Variants in CNTNAP2 observed in about 807,000 individuals in gnomAD.
CNTNAP2 encodes the protein contactin associated protein 2, also known as contactin-associated protein-like 2.
A neutral mutation model predicts 155.2 loss-of-function variants in CNTNAP2; 98 were observed. That is an observed-to-expected ratio of 0.63 (90% CI 0.54 to 0.75). The LOEUF (loss-of-function observed/expected upper bound fraction) is 0.75, where lower values mean the gene tolerates loss of function less well. Among genes scored for constraint, CNTNAP2 ranks in the 30% least tolerant of loss-of-function variants. The pLI is 0.00. For missense variants in CNTNAP2, 1,727 were observed against 1,688.1 expected (o/e 1.02, Z -0.40); for synonymous variants, 651 against 631.2 (o/e 1.03, Z -0.47).
chr7:148,177,521 A>G (rs909658714), intron 18 of CNTNAP2, among the ~76,000 whole-genome samples: 5 of 152,250 alleles, frequency 3.3e-5, no homozygotes, highest in Non-Finnish European at 7.3e-5. Flanking sequence ...AAGTTCGAAG[A>G]AAAACCTACC....
At chr7:146,465,256 C>G (rs1028767088) in intron 1 of CNTNAP2, among the ~76,000 whole-genome samples, 5 of 152,062 alleles carry the variant, frequency 3.3e-5, no homozygotes, top group African/African-American at 1.2e-4. Context: ...TTTTTCCCCA[C>G]TAAAAAGCAA....
chr7:147,602,047 G>A lies in CNTNAP2; in HGVS notation c.1898-37059G>A, dbSNP rs113571475. The stretch of plus-strand genomic sequence containing the variant: ...TTAATAATATTTTATAATTGTTGCA[G>A]TATCCTTCCATCAAGAGGTCCAAAT... On this transcript the variant is annotated intron_variant, in intron 12 of 23. Coordinates refer to ENST00000361727, the MANE Select transcript of CNTNAP2 (RefSeq NM_014141.6). Among the ~76,000 whole-genome samples, 318 of 152,168 alleles carry A rather than the reference G, an allele frequency of 2.1e-3. 4 individuals carry two copies. Among genetic ancestry groups the A allele is most frequent in the African/African-American group, 7.1e-3 (295 of 41,546 alleles).
intron 15 of CNTNAP2, among the ~76,000 whole-genome samples, chr7:148,102,639 T>C (rs1269394820): frequency 6.6e-6 from 1 of 152,240 alleles, no homozygotes; most frequent in African/African-American, 2.4e-5. Context: ...AGCACGTACT[T>C]TTGTACCACA....
At chr7:148,294,038 TCAA>T (rs1250731126) in intron 21 of CNTNAP2, among the ~76,000 whole-genome samples, 1 of 33,136 alleles carries the variant, frequency 3.0e-5, no homozygotes, top group East Asian at 1.1e-3. Flanking sequence ...AGGCTCCATC[TCAA>T]AAAAAAAAAA....
At chr7:146,884,701 G>T (rs766416534) in intron 3 of CNTNAP2, among the ~76,000 whole-genome samples, 12 of 152,128 alleles carry the variant, frequency 7.9e-5, no homozygotes, top group Non-Finnish European at 1.3e-4. Flanking sequence ...AGACTTCGAG[G>T]AGAAAGCCCA....
chr7:147,209,785 T>C (rs1412694249), intron 8 of CNTNAP2, among the ~76,000 whole-genome samples: 1 of 152,030 alleles, frequency 6.6e-6, no homozygotes, highest in Non-Finnish European at 1.5e-5. Flanking sequence ...TGAGGGTTTC[T>C]ATCATGAAGG....
intron 13 of CNTNAP2, among the ~76,000 whole-genome samples, chr7:147,701,128 C>T (rs1055801954): frequency 9.2e-5 from 14 of 152,154 alleles, no homozygotes; most frequent in African/African-American, 3.1e-4. Context: ...ATGCATTTTG[C>T]TAGTGAGGTC....
chr7:147,108,053 T>A (rs1800801557), intron 4 of CNTNAP2, 94 bp from the exon 5 acceptor site: 1 of 1,099,032 alleles, frequency 9.1e-7, no homozygotes, highest in African/African-American at 1.6e-5. Flanking sequence ...GAAAAACACT[T>A]ACTTAATTCT....
chr7:147,248,571 C>A (rs938581503), intron 8 of CNTNAP2, among the ~76,000 whole-genome samples: 4 of 152,076 alleles, frequency 2.6e-5, no homozygotes, highest in South Asian at 4.1e-4. Flanking sequence ...TCTTAATAGT[C>A]CCTTATGGGG....
intron 8 of CNTNAP2, among the ~76,000 whole-genome samples, chr7:147,240,319 T>C (rs1464743785): frequency 2.0e-5 from 3 of 152,172 alleles, no homozygotes; most frequent in Admixed American, 6.5e-5. Flanking sequence ...ATGGAGACCC[T>C]GTCTCTAATA....
At chr7:148,194,009 C>T (rs763786024) in intron 18 of CNTNAP2, among the ~76,000 whole-genome samples, 2 of 150,982 alleles carry the variant, frequency 1.3e-5, no homozygotes, top group African/African-American at 2.4e-5. Context: ...CTTGCTCTGT[C>T]GCCCAGGCTG....
chr7:148,003,822 A>G (rs2116896545), intron 15 of CNTNAP2, among the ~76,000 whole-genome samples: 1 of 152,326 alleles, frequency 6.6e-6, no homozygotes, highest in Non-Finnish European at 1.5e-5. Context: ...TAAATAGACA[A>G]TTAGCCTCTT....
intron 9 of CNTNAP2, among the ~76,000 whole-genome samples, chr7:147,311,764 G>C (rs985546170): frequency 6.6e-6 from 1 of 152,096 alleles, no homozygotes; most frequent in Non-Finnish European, 1.5e-5. Flanking sequence ...CTCTATGACA[G>C]AACAAGTAGG....
At chr7:147,060,687 C>T (rs927483033) in intron 4 of CNTNAP2, among the ~76,000 whole-genome samples, 5 of 152,054 alleles carry the variant, frequency 3.3e-5, no homozygotes, top group Non-Finnish European at 7.4e-5. Flanking sequence ...ACGGTGAAAC[C>T]CCGTCTCTAC....
intron 1 of CNTNAP2, among the ~76,000 whole-genome samples, chr7:146,343,594 G>A (rs1260883541): frequency 6.6e-6 from 1 of 152,022 alleles, no homozygotes; most frequent in Non-Finnish European, 1.5e-5. Context: ...AGTAATACTT[G>A]AAACATTTAA....
intron 16 of CNTNAP2, among the ~76,000 whole-genome samples, chr7:148,125,464 G>A (rs959731107): frequency 2.0e-5 from 3 of 152,050 alleles, no homozygotes; most frequent in African/African-American, 7.2e-5. Flanking sequence ...TTAGCTTCCA[G>A]TTATAGGTGA....
intron 2 of CNTNAP2, among the ~76,000 whole-genome samples, chr7:146,778,061 C>T (rs769160258): frequency 6.6e-6 from 1 of 151,928 alleles, no homozygotes; most frequent in Non-Finnish European, 1.5e-5. Flanking sequence ...GATACAGACA[C>T]TATATAAGTA....
chr7:146,514,740 G>C lies in CNTNAP2; in HGVS notation c.98-259531G>C, dbSNP rs575542033. ...CTAGTTTCTTTCTTTGTACATTTGA[G>C]GTGGCCACGGTTGTGTTGTTTCTTA... is the stretch of plus-strand genomic sequence containing the variant. On this transcript the variant is annotated intron_variant, in intron 1 of 23. Coordinates refer to ENST00000361727, the MANE Select transcript of CNTNAP2 (RefSeq NM_014141.6). Among the ~76,000 whole-genome samples the C allele has an allele frequency of 5.9e-5, 9 of 151,538 alleles. 1 individual carries two copies. Among genetic ancestry groups the C allele is most frequent in the Non-Finnish European group, 1.0e-4 (7 of 67,858 alleles).
intron 4 of CNTNAP2, among the ~76,000 whole-genome samples, chr7:147,086,698 A>G (rs949717194): frequency 6.6e-6 from 1 of 152,124 alleles, no homozygotes; most frequent in Non-Finnish European, 1.5e-5. Context: ...CAGCCTCCCA[A>G]ATCGCTGGAA....
Sources: allele counts gnomAD v4.1 joint callset (sites outside exome capture counted in the v4.1 genomes callset), GRCh38; gene constraint gnomAD v4.1.1; transcripts MANE v1.5; gene names NCBI Gene and HGNC (gene_info 2026-07-23, HGNC 2026-07-21).